SEMA6D: variants seen among roughly 807,000 people sequenced by gnomAD.
SEMA6D encodes semaphorin-6D.
SEMA6D carries 35 observed loss-of-function variants against 106.6 expected under a neutral mutation model. The observed-to-expected ratio is 0.33, with a 90% CI of 0.25 to 0.44. The LOEUF is 0.44. Among genes scored for constraint, SEMA6D ranks in the 20% least tolerant of loss-of-function variants. SEMA6D has a pLI of 1.00. For missense variants in SEMA6D, 1,185 were observed against 1,345.9 expected, an observed-to-expected ratio of 0.88 and a Z score of 1.87; for synonymous variants, 499 against 487.7, an observed-to-expected ratio of 1.02 and a Z score of -0.31.
At chr15:47,696,652 G>A (rs2078705199) in intron 4 of SEMA6D, among the ~76,000 whole-genome samples, 2 of 152,154 alleles carry the variant, frequency 1.3e-5, no homozygotes, top group Admixed American at 6.5e-5. Context: ...CTGCCATGGG[G>A]ACAGGGGCGT....
intron 4 of SEMA6D, among the ~76,000 whole-genome samples, chr15:47,684,234 A>G (rs1182105681): frequency 6.6e-6 from 1 of 152,132 alleles, no homozygotes; most frequent in East Asian, 1.9e-4. Flanking sequence ...AGTCTGCTTA[A>G]TGATTACAAT....
At chr15:47,761,115 G>T (rs1448128843) in intron 4 of SEMA6D, 43 bp from the exon 5 acceptor site, 1 of 1,612,094 alleles carries the variant, frequency 6.2e-7, no homozygotes, top group Non-Finnish European at 8.5e-7. Context: ...CCCCAAAAAT[G>T]TTCGCAGTTA....
At chr15:47,532,453 G>T (rs890708451) in intron 3 of SEMA6D, among the ~76,000 whole-genome samples, 1 of 152,088 alleles carries the variant, frequency 6.6e-6, no homozygotes, top group Non-Finnish European at 1.5e-5. Flanking sequence ...CTCTCACTGC[G>T]CATTGACTTT....
chr15:47,634,938 T>C (rs2077358762), intron 4 of SEMA6D, among the ~76,000 whole-genome samples: 1 of 152,228 alleles, frequency 6.6e-6, no homozygotes, highest in African/African-American at 2.4e-5. Context: ...AAAAAGGTTT[T>C]CTGCTTTTAC....
chr15:47,508,577 T>C (rs908549765), intron 3 of SEMA6D, among the ~76,000 whole-genome samples: 19 of 152,218 alleles, frequency 1.2e-4, no homozygotes, highest in Admixed American at 7.2e-4. Context: ...TGAACAGTGC[T>C]TGACACATCA....
chr15:47,269,555 A>C (rs545567357), intron 1 of SEMA6D, among the ~76,000 whole-genome samples: 27 of 152,158 alleles, frequency 1.8e-4, no homozygotes, highest in African/African-American at 6.5e-4. Context: ...CTTTAATCCC[A>C]CTTCTATTTT....
In SEMA6D at chr15:47,609,514, G is replaced by A. The variant is rs556671560; in HGVS notation, c.-55+8618G>A. Among the ~76,000 whole-genome samples the A allele has an allele frequency of 4.6e-5, 7 of 152,120 alleles. 1 individual carries two copies. The highest frequency in any genetic ancestry group is 1.3e-4 in the Admixed American group (2 of 15,272). ...TCGCTTAAGCTGCCCCTAAATTGAGGAGCAACTCCCTTAAACATTTGAAGG... is the reference window on the plus strand; with the variant it reads ...TCGCTTAAGCTGCCCCTAAATTGAGAAGCAACTCCCTTAAACATTTGAAGG... On this transcript the variant is annotated intron_variant, in intron 4 of 19. Transcript: ENST00000558014.
rs113516521 is a variant in SEMA6D, at chr15:47,487,558, A to G, written c.-87+17013A>G. On this transcript the variant is annotated intron_variant, in intron 3 of 19. Transcript: ENST00000558014. ...TAAAAATCATAAGTTGGATTACACT[A>G]TATGTATTGCTAGTTTCCTTTATTT... Among the ~76,000 whole-genome samples the G allele has an allele frequency of 8.0e-3, 1,218 of 152,312 alleles. 7 individuals are homozygous for G. Among genetic ancestry groups the G allele is most frequent in the Admixed American group, 0.015 (233 of 15,300 alleles).
At chr15:47,271,914 G>C (rs930765873) in intron 1 of SEMA6D, among the ~76,000 whole-genome samples, 3 of 152,120 alleles carry the variant, frequency 2.0e-5, no homozygotes, top group Admixed American at 6.5e-5. Flanking sequence ...GTAGGGGTTT[G>C]TATGACCCAA....
Position 47,287,506 on chromosome 15 carries a change from T to C in SEMA6D, c.-239+103088T>C, listed in dbSNP as rs539041254. 3.4e-3 allele frequency among the ~76,000 whole-genome samples: 525 copies of C among 152,294 alleles called. 1 individual carries two copies. The highest frequency in any genetic ancestry group is 5.9e-3 in the Non-Finnish European group (398 of 68,014). On this transcript the variant is annotated intron_variant, in intron 1 of 19. Transcript: ENST00000558014. ...TCTTCACCTGCCCCTGCTGTCTCCATTGTTCTAGGTAGCTGGGTTCCATAG... is the reference window on the plus strand; with the variant it reads ...TCTTCACCTGCCCCTGCTGTCTCCACTGTTCTAGGTAGCTGGGTTCCATAG...
chr15:47,432,562 CGCATATGTATATACATATACAGCTATAT>C (rs1367159285), intron 2 of SEMA6D, among the ~76,000 whole-genome samples: 18 of 43,258 alleles, frequency 4.2e-4, no homozygotes, highest in Admixed American at 3.4e-3. Context: ...TATACATATA[CGCATATGTATATACATATACAGCTATAT>C]GCATATGTAT....
At chr15:47,591,442 G>A (rs1038966885) in intron 3 of SEMA6D, among the ~76,000 whole-genome samples, 1 of 152,182 alleles carries the variant, frequency 6.6e-6, no homozygotes, top group Non-Finnish European at 1.5e-5. Context: ...GATAAGAACT[G>A]CTGGGGCCTG....
intron 3 of SEMA6D, among the ~76,000 whole-genome samples, chr15:47,547,436 A>C (rs2045558432): frequency 6.6e-6 from 1 of 152,152 alleles, no homozygotes; most frequent in African/African-American, 2.4e-5. Flanking sequence ...TTTCAACTTT[A>C]CTAGTAATTT....
At chr15:47,760,844 G>C in intron 3 of SEMA6D, 134 bp from the exon 4 acceptor site, 6 of 761,722 alleles carry the variant, frequency 7.9e-6, no homozygotes, top group Non-Finnish European at 1.3e-5. Context: ...ACTCTTTGTT[G>C]ACTTTGTTTG....
intron 1 of SEMA6D, among the ~76,000 whole-genome samples, chr15:47,411,294 G>A (rs1346812204): frequency 1.3e-5 from 2 of 151,710 alleles, no homozygotes; most frequent in African/African-American, 2.4e-5. Flanking sequence ...ACGGGGTTTC[G>A]CTGTGTTAGC....
At chr15:47,761,515 T>C (rs1567094875) in intron 6 of SEMA6D, 84 bp downstream of exon 6, 1 of 1,307,048 alleles carries the variant, frequency 7.7e-7, no homozygotes, top group Non-Finnish European at 1.1e-6. Context: ...ATCTTTCTGC[T>C]TTCCAGTAAT....
intron 1 of SEMA6D, among the ~76,000 whole-genome samples, chr15:47,750,588 T>G (rs1265439861): frequency 1.3e-5 from 2 of 152,204 alleles, no homozygotes; most frequent in African/African-American, 2.4e-5. Context: ...GAATGCACAT[T>G]TCACAGATTC....
rs150501187 is a variant in SEMA6D, at chr15:47,244,521, A to G, written c.-239+60103A>G. 3.9e-5 allele frequency among the ~76,000 whole-genome samples: 6 copies of G among 152,210 alleles called. No homozygotes were observed. The East Asian group carries it at 1.2e-3, about 29-fold the overall frequency. ...CAATGTTGTGATAAATAGTATTATT[A>G]CTCTCATTATACAGATGTGTGAAAA... On this transcript the variant is annotated intron_variant, in intron 1 of 19. Transcript: ENST00000558014.
chr15:47,683,465 A>G (rs1233759969), intron 4 of SEMA6D, among the ~76,000 whole-genome samples: 2 of 152,158 alleles, frequency 1.3e-5, no homozygotes, highest in African/African-American at 4.8e-5. Flanking sequence ...AGTTCTGGAG[A>G]TAGAAAAGCT....
Sources: allele counts gnomAD v4.1 joint callset (sites outside exome capture counted in the v4.1 genomes callset), GRCh38; gene constraint gnomAD v4.1.1; transcripts MANE v1.5; gene names NCBI Gene and HGNC (gene_info 2026-07-23, HGNC 2026-07-21).